SDK1: variants seen among roughly 807,000 people sequenced by gnomAD.
SDK1 encodes sidekick cell adhesion molecule 1, also known as protein sidekick-1.
A neutral mutation model predicts 245.5 loss-of-function variants in SDK1; 157 were observed. That is an observed-to-expected ratio of 0.64 (90% confidence interval 0.56 to 0.73). The LOEUF (loss-of-function observed/expected upper bound fraction) is 0.73, where lower values mean the gene tolerates loss of function less well. SDK1 is among the 30% of genes least tolerant of loss of function. The pLI is 0.00. For synonymous variants in SDK1, 1,647 were observed against 1,278.5 expected (o/e 1.29, Z -6.15); for missense variants, 3,583 against 3,002.3 (o/e 1.19, Z -4.52).
chr7:3,683,803 A>C lies in SDK1; in HGVS notation c.713+41698A>C, dbSNP rs114204085. Among the ~76,000 whole-genome samples the C allele has an allele frequency of 1.2e-3, 181 of 152,330 alleles. 1 individual carries two copies. Among genetic ancestry groups the C allele is most frequent in the African/African-American group, 4.2e-3 (176 of 41,578 alleles). ...CACATGTCCTAACAAGGAGCTGTAAAAACCTCTAATCTGGAACTAGCAATG... is the reference window on the plus strand; with the variant it reads ...CACATGTCCTAACAAGGAGCTGTAACAACCTCTAATCTGGAACTAGCAATG... On this transcript the variant is annotated intron_variant, in intron 4 of 44. Transcript: ENST00000404826.
intron 44 of SDK1, among the ~76,000 whole-genome samples, chr7:4,246,130 C>T (rs529018746): frequency 6.6e-6 from 1 of 152,290 alleles, no homozygotes; most frequent in East Asian, 1.9e-4. Context: ...TCTAGATGCT[C>T]CAAGGCTGAT....
At chr7:3,815,007 T>C (rs557075118) in intron 4 of SDK1, among the ~76,000 whole-genome samples, 2 of 148,678 alleles carry the variant, frequency 1.3e-5, no homozygotes, top group South Asian at 4.3e-4. Context: ...CTTAAGGAGA[T>C]TTTGGGCTGA....
chr7:4,208,589 C>T (rs963861852), intron 37 of SDK1, among the ~76,000 whole-genome samples: 2 of 152,208 alleles, frequency 1.3e-5, no homozygotes, highest in Non-Finnish European at 2.9e-5. Context: ...AGCAAGGCCT[C>T]GTTCATAACT....
chr7:3,719,055 T>C (rs1338824713), intron 4 of SDK1, among the ~76,000 whole-genome samples: 6 of 152,174 alleles, frequency 3.9e-5, no homozygotes, highest in Admixed American at 3.9e-4. Flanking sequence ...AATGCCTAAG[T>C]CCTGGGAACA....
At chr7:3,432,258 T>C (rs1779875163) in intron 1 of SDK1, among the ~76,000 whole-genome samples, 1 of 151,912 alleles carries the variant, frequency 6.6e-6, no homozygotes, top group Non-Finnish European at 1.5e-5. Flanking sequence ...ATTTTGGCTA[T>C]CGTGATGACA....
At position 3,962,661 on chromosome 7, in the gene SDK1, C is replaced by G. The variant is rs746639694; in HGVS notation, c.1239C>G (p.Val413=). ...TVDIGCQAMG[V]PLPTLQWYKD... The stretch of plus-strand genomic sequence containing the variant: ...TTTATTCCCATTCCTACGCAGGGGT[C>G]CCCCTTCCCACCCTCCAGTGGTACA... Residue 413 remains valine, a synonymous_variant, in exon 9 of 45, where the codon GTC becomes GTG. Transcript: ENST00000404826. The G allele has an allele frequency of 3.7e-6, 6 of 1,604,780 alleles. No individual in the cohort carries two copies. Among genetic ancestry groups the G allele is most frequent in the Admixed American group, 1.7e-5 (1 of 58,600 alleles).
intron 13 of SDK1, among the ~76,000 whole-genome samples, chr7:3,981,422 A>G (rs950334310): frequency 1.3e-5 from 2 of 152,168 alleles, no homozygotes; most frequent in Non-Finnish European, 2.9e-5. Flanking sequence ...CTGAGTGTCC[A>G]TGTGAAAGAG....
intron 5 of SDK1, among the ~76,000 whole-genome samples, chr7:3,907,913 TTGTG>T (rs1210427779): frequency 6.6e-6 from 1 of 152,194 alleles, no homozygotes; most frequent in African/African-American, 2.4e-5. Context: ...GAGCAAGGGC[TTGTG>T]TGTGTATTGT....
chr7:3,657,942 C>T (rs964219329), intron 4 of SDK1, among the ~76,000 whole-genome samples: 3 of 152,178 alleles, frequency 2.0e-5, no homozygotes, highest in Admixed American at 1.3e-4. Flanking sequence ...CCTTTGTCAT[C>T]ATTTTCGTGA....
At chr7:3,942,493 A>G (rs535468738) in intron 5 of SDK1, among the ~76,000 whole-genome samples, 5 of 152,322 alleles carry the variant, frequency 3.3e-5, no homozygotes, top group African/African-American at 7.2e-5. Context: ...AAAAAATACT[A>G]TGATAGGATG....
At chr7:4,155,121 T>C (rs1432283808) in intron 30 of SDK1, among the ~76,000 whole-genome samples, 1 of 152,018 alleles carries the variant, frequency 6.6e-6, no homozygotes, top group Non-Finnish European at 1.5e-5. Context: ...CACTGCCCTC[T>C]GCCTGCCTCA....
chr7:3,894,317 C>T (rs531891769), intron 5 of SDK1, among the ~76,000 whole-genome samples: 16 of 152,286 alleles, frequency 1.1e-4, no homozygotes, highest in African/African-American at 3.9e-4. Context: ...TTTGCCTTCT[C>T]GACTGGAGGC....
chr7:3,434,613 A>G (rs1383825595), intron 1 of SDK1, among the ~76,000 whole-genome samples: 1 of 152,138 alleles, frequency 6.6e-6, no homozygotes, highest in South Asian at 2.1e-4. Context: ...TAGCTCACCT[A>G]AGGTCATTTT....
chr7:3,456,116 T>C (rs552655227), intron 1 of SDK1, among the ~76,000 whole-genome samples: 4 of 152,368 alleles, frequency 2.6e-5, no homozygotes, highest in African/African-American at 9.6e-5. Flanking sequence ...TTGTTATTCC[T>C]CTATAAGTAC....
intron 1 of SDK1, among the ~76,000 whole-genome samples, chr7:3,549,641 T>TC (rs1160386586): frequency 1.3e-5 from 2 of 152,196 alleles, no homozygotes; most frequent in South Asian, 2.1e-4. Context: ...TTGTTTTTTT[T>TC]CCCTACTTTT....
At chr7:3,702,221 C>T (rs1269344925) in intron 4 of SDK1, among the ~76,000 whole-genome samples, 2 of 152,072 alleles carry the variant, frequency 1.3e-5, no homozygotes, top group African/African-American at 4.8e-5. Context: ...TATTTCTAAG[C>T]TACATATTTG....
At position 4,211,724 on chromosome 7, in the gene SDK1, C is replaced by G. The variant is rs1488825387; in HGVS notation, c.5539+1562C>G. Among the ~76,000 whole-genome samples the G allele has an allele frequency of 3.9e-5, 6 of 152,236 alleles. No homozygotes were observed. In the South Asian group the frequency reaches 1.2e-3, roughly 32 times the overall value. ...TCCCGGGTTCGCACCATTCTCCTGC[C>G]TCAGCCTCCCGAGTAGCTGGGACTA... On this transcript the variant is annotated intron_variant, in intron 38 of 44. Transcript: ENST00000404826.
At position 3,972,888 on chromosome 7, in the gene SDK1, A is replaced by G. The variant is rs187873688; in HGVS notation, c.1817+1320A>G. 1.2e-4 allele frequency among the ~76,000 whole-genome samples: 19 copies of G among 152,366 alleles called. No individual in the cohort carries two copies. The East Asian group carries it at 3.7e-3, about 29-fold the overall frequency. ...AATGCAAAACAAAACAAGCAAAACA[A>G]AAACCAGCAAGTGAAAGACGACCTA... On this transcript the variant is annotated intron_variant, in intron 12 of 44. Coordinates refer to ENST00000404826, the MANE Select transcript of SDK1 (RefSeq NM_152744.4).
At chr7:3,534,078 C>T (rs1350049459) in intron 1 of SDK1, among the ~76,000 whole-genome samples, 2 of 152,098 alleles carry the variant, frequency 1.3e-5, no homozygotes, top group African/African-American at 4.8e-5. Context: ...GCCTCCCTGC[C>T]CGACATTGTT....
Sources: gnomAD v4.1 joint callset for allele counts (sites outside exome capture counted in the v4.1 genomes callset) on GRCh38, gnomAD v4.1.1 for gene constraint, MANE v1.5 for transcripts, NCBI Gene and HGNC (gene_info 2026-07-23, HGNC 2026-07-21) for gene names.